NDUFA10: variants seen among roughly 807,000 people sequenced by gnomAD.
NDUFA10 encodes NADH:ubiquinone oxidoreductase subunit A10, also known as NADH dehydrogenase [ubiquinone] 1 alpha subcomplex subunit 10, mitochondrial.
NDUFA10 carries 40 observed loss-of-function variants against 47.8 expected under a neutral mutation model. That is an observed-to-expected ratio of 0.84 (90% CI 0.65 to 1.09). NDUFA10 has a LOEUF of 1.09. Ranked by LOEUF, NDUFA10 falls within the 50% of genes least tolerant of loss-of-function variation. The probability of loss-of-function intolerance (pLI) is 0.00; values close to 1 mark genes in which losing one functional copy is unlikely to be tolerated. For missense variants in NDUFA10, 413 were observed against 451.1 expected, an observed-to-expected ratio of 0.92 and a Z score of 0.76; for synonymous variants, 183 against 172.2, an observed-to-expected ratio of 1.06 and a Z score of -0.49.
chr2:239,935,698 A>G (rs755584274), intron 4 of NDUFA10, among the ~76,000 whole-genome samples: 6 of 152,300 alleles, frequency 3.9e-5, no homozygotes, highest in Non-Finnish European at 7.4e-5. Context: ...GGTTTCCCCT[A>G]TACTGTTCTC....
At chr2:240,019,160 C>T (rs1697501303) in intron 3 of NDUFA10, among the ~76,000 whole-genome samples, 1 of 152,196 alleles carries the variant, frequency 6.6e-6, no homozygotes, top group Admixed American at 6.5e-5. Flanking sequence ...AATCTTCCTA[C>T]CCAGCCTCTC....
chr2:239,987,364 T>TCC lies in NDUFA10; in HGVS notation c.999+2708_999+2709dup, dbSNP rs1457298789. On this transcript the variant is annotated intron_variant, in intron 9 of 9. Transcript: ENST00000252711. The surrounding 1 kb of genome is among the most constrained non-coding windows in gnomAD (Gnocchi z 4.8). ...CGCTCGAATGCGTGTCTGGGCCCCA[T>TCC]CCCCTGCGTGTCTAGTCCAGGAGGC... 6.6e-6 allele frequency among the ~76,000 whole-genome samples: 1 copy of TCC among 151,786 alleles called. No homozygotes were observed. Among genetic ancestry groups the TCC allele is most frequent in the Non-Finnish European group, 1.5e-5 (1 of 67,950 alleles).
chr2:239,985,017 G>C (rs1200825990), intron 9 of NDUFA10, among the ~76,000 whole-genome samples: 1 of 152,218 alleles, frequency 6.6e-6, no homozygotes, highest in Non-Finnish European at 1.5e-5. Context: ...GCTCTCAGGG[G>C]ACCTGCCCTG....
chr2:239,995,845 C>T (rs1254111079), intron 8 of NDUFA10, among the ~76,000 whole-genome samples: 1 of 152,174 alleles, frequency 6.6e-6, no homozygotes, highest in African/African-American at 2.4e-5. Flanking sequence ...AAAAGAGGGG[C>T]ATTACATAAC....
chr2:240,022,378 C>G (rs747496077), intron 1 of NDUFA10, 38 bp from the exon 2 acceptor site: 2 of 1,613,420 alleles, frequency 1.2e-6, no homozygotes, highest in South Asian at 2.2e-5. Flanking sequence ...ACATTGTGAC[C>G]ACTCTGGTTC....
At chr2:240,023,621 T>A (rs1697734466) in intron 1 of NDUFA10, among the ~76,000 whole-genome samples, 2 of 152,298 alleles carry the variant, frequency 1.3e-5, no homozygotes, top group South Asian at 4.1e-4. Flanking sequence ...GGAGGAATAG[T>A]TAAACAAAAT....
intron 8 of NDUFA10, among the ~76,000 whole-genome samples, chr2:239,995,707 C>T (rs1253597653): frequency 6.6e-6 from 1 of 152,154 alleles, no homozygotes; most frequent in Non-Finnish European, 1.5e-5. Context: ...TACTTACTAT[C>T]TACAAGAAAA....
At chr2:240,023,848 C>G (rs917092677) in intron 1 of NDUFA10, among the ~76,000 whole-genome samples, 4 of 152,200 alleles carry the variant, frequency 2.6e-5, no homozygotes, top group African/African-American at 9.7e-5. Flanking sequence ...AAACACCTCT[C>G]GCAAATGAAA....
chr2:240,002,287 G>A (rs1479576888), intron 8 of NDUFA10, among the ~76,000 whole-genome samples: 8 of 136,262 alleles, frequency 5.9e-5, no homozygotes, highest in East Asian at 4.4e-4. Context: ...CTGAGATTGC[G>A]CCACTGCACT....
At chr2:239,970,827 A>C (rs1695277076) in intron 9 of NDUFA10, among the ~76,000 whole-genome samples, 1 of 152,268 alleles carries the variant, frequency 6.6e-6, no homozygotes, top group African/African-American at 2.4e-5. Context: ...ACCATTCTAA[A>C]AAGAACTTAG....
At chr2:240,018,740 C>A in intron 3 of NDUFA10, 101 bp from the exon 4 acceptor site, 2 of 1,275,982 alleles carry the variant, frequency 1.6e-6, no homozygotes, top group Non-Finnish European at 2.2e-6. Flanking sequence ...CAATCATTTA[C>A]AATTCCATTT....
chr2:240,005,574 C>T (rs1420370618), intron 7 of NDUFA10, among the ~76,000 whole-genome samples: 1 of 152,142 alleles, frequency 6.6e-6, no homozygotes, highest in Non-Finnish European at 1.5e-5. Flanking sequence ...CCAGGCTGGT[C>T]TCAAACTCCT....
intron 4 of NDUFA10, among the ~76,000 whole-genome samples, chr2:239,936,593 AG>A (rs1361787131): frequency 1.3e-5 from 2 of 152,190 alleles, no homozygotes; most frequent in Admixed American, 1.3e-4. Context: ...AGTGTGGGGC[AG>A]GGGGCATGGG....
chr2:239,905,094 C>G (rs961751168), intron 4 of NDUFA10, among the ~76,000 whole-genome samples: 1 of 152,226 alleles, frequency 6.6e-6, no homozygotes, highest in African/African-American at 2.4e-5. Context: ...GTTAGGGTAT[C>G]TTTGGAAACT....
Position 240,024,976 on chromosome 2 carries a change from CCT to C in NDUFA10, c.75+249_75+250del, listed in dbSNP as rs34936508. On this transcript the variant is annotated intron_variant, in intron 1 of 9. Transcript: ENST00000252711. The stretch of plus-strand genomic sequence containing the variant: ...TCCCGCATCAGGGCAGCCTCGGGGC[CCT>C]GATCACCTCCGCGCTCCAGCGTTTT... Among the ~76,000 whole-genome samples, 105,890 of 151,932 alleles carry C rather than the reference CCT, an allele frequency of 0.7. 37,264 individuals carry two copies. The highest frequency in any genetic ancestry group is 0.8 in the African/African-American group (32,965 of 41,462).
chr2:239,973,328 G>A (rs761761632), intron 9 of NDUFA10, among the ~76,000 whole-genome samples: 23 of 152,094 alleles, frequency 1.5e-4, no homozygotes, highest in Non-Finnish European at 2.9e-4. Context: ...TCCGTCTCCC[G>A]CATGTTTAGG....
chr2:239,903,692 G>A (rs986119210), intron 4 of NDUFA10, among the ~76,000 whole-genome samples: 4 of 152,150 alleles, frequency 2.6e-5, no homozygotes, highest in African/African-American at 7.2e-5. Flanking sequence ...AATGTGTCCC[G>A]GCTCTGCCAT....
At chr2:239,893,149 G>A (rs924860072) in intron 5 of NDUFA10, among the ~76,000 whole-genome samples, 38 of 152,200 alleles carry the variant, frequency 2.5e-4, no homozygotes, top group African/African-American at 8.9e-4. Context: ...TTCCCCACCA[G>A]GCAAACCCAA....
downstream of NDUFA10, among the ~76,000 whole-genome samples, chr2:239,955,994 C>A (rs78635933): frequency 9.3e-4 from 141 of 152,198 alleles, 3 homozygotes; most frequent in East Asian, 0.026. Flanking sequence ...CAGGGACCAG[C>A]CACCCAGGAA....
Sources: gnomAD v4.1 joint callset for allele counts (sites outside exome capture counted in the v4.1 genomes callset) on GRCh38, gnomAD v4.1.1 for gene constraint, Gnocchi (gnomAD v3.1) non-coding constraint, MANE v1.5 for transcripts, NCBI Gene and HGNC (gene_info 2026-07-23, HGNC 2026-07-21) for gene names.